The following NRG3 variants were observed in gnomAD, a reference collection of about 807,000 sequenced individuals.
NRG3 encodes pro-neuregulin-3, membrane-bound isoform.
Under a neutral mutation model 66.9 loss-of-function variants are expected in NRG3, and 31 were observed. That is an observed-to-expected ratio of 0.46 (90% CI 0.35 to 0.63). NRG3 has a LOEUF of 0.63. Among genes scored for constraint, NRG3 ranks in the 20% least tolerant of loss-of-function variants. NRG3 has a pLI of 0.00. For synonymous variants in NRG3, 393 were observed against 359.4 expected (o/e 1.09, Z -1.06); for missense variants, 910 against 878.9 (o/e 1.04, Z -0.45).
At position 82,119,633 on chromosome 10, in the gene NRG3, C is replaced by G. The variant is rs140917291; in HGVS notation, c.824-239106C>G. Reference sequence around the variant, plus strand: ...AACCCTAAATAAATTAAGTTCTAAACTTATGAGATTTTTGCCAAATGATAC... The same window carrying G: ...AACCCTAAATAAATTAAGTTCTAAAGTTATGAGATTTTTGCCAAATGATAC... On this transcript the variant is annotated intron_variant, in intron 1 of 8. Coordinates refer to ENST00000372141, the MANE Select transcript of NRG3 (RefSeq NM_001010848.4). 2.9e-3 allele frequency among the ~76,000 whole-genome samples: 448 copies of G among 152,168 alleles called. 2 individuals are homozygous for G. The highest frequency in any genetic ancestry group is 0.011 in the African/African-American group (437 of 41,530).
intron 1 of NRG3, among the ~76,000 whole-genome samples, chr10:82,210,145 A>C (rs2075326724): frequency 6.6e-6 from 1 of 152,142 alleles, no homozygotes; most frequent in African/African-American, 2.4e-5. Flanking sequence ...GCTCTGCATA[A>C]ATGAATTTAT....
At chr10:82,716,489 G>A (rs146816786) in intron 2 of NRG3, among the ~76,000 whole-genome samples, 3 of 152,268 alleles carry the variant, frequency 2.0e-5, no homozygotes, top group Admixed American at 6.5e-5. Context: ...GAGACTCAGC[G>A]TGCACACATT....
At chr10:82,436,382 G>A (rs754653864) in intron 2 of NRG3, among the ~76,000 whole-genome samples, 2 of 151,958 alleles carry the variant, frequency 1.3e-5, no homozygotes, top group Non-Finnish European at 2.9e-5. Flanking sequence ...CTTTCCATTT[G>A]CTTGGTAAAT....
intron 1 of NRG3, among the ~76,000 whole-genome samples, chr10:82,189,234 T>C (rs2073991784): frequency 6.6e-6 from 1 of 152,188 alleles, no homozygotes; most frequent in East Asian, 1.9e-4. Flanking sequence ...TGTGCCTGAA[T>C]AGTTTTGAAT....
chr10:82,103,948 TCTA>T (rs1443366554), intron 1 of NRG3, among the ~76,000 whole-genome samples: 1 of 150,066 alleles, frequency 6.7e-6, no homozygotes, highest in Non-Finnish European at 1.5e-5. Context: ...TTCCCAGCGA[TCTA>T]CTAGAAAGAT....
intron 1 of NRG3, among the ~76,000 whole-genome samples, chr10:81,943,865 A>G (rs1455796120): frequency 1.3e-5 from 2 of 152,134 alleles, no homozygotes; most frequent in Non-Finnish European, 2.9e-5. Context: ...TTCCACCTCC[A>G]AGAGGAAAGT....
chr10:82,694,552 T>C (rs1244078838), intron 2 of NRG3, among the ~76,000 whole-genome samples: 1 of 152,052 alleles, frequency 6.6e-6, no homozygotes, highest in Non-Finnish European at 1.5e-5. Flanking sequence ...GCTAGGAGTT[T>C]GAGAACAGAC....
Position 82,300,261 on chromosome 10 carries a change from A to C in NRG3, c.824-58478A>C, listed in dbSNP as rs954804988. 2.0e-5 allele frequency among the ~76,000 whole-genome samples: 3 copies of C among 152,202 alleles called. No individual in the cohort carries two copies. In the South Asian group the frequency reaches 6.2e-4, roughly 32 times the overall value. ...CTTATTATAGCAAATAAAATATAAAATATGTTTGAGGAGTATGGTGCAAAA... is the reference window on the plus strand; with the variant it reads ...CTTATTATAGCAAATAAAATATAAACTATGTTTGAGGAGTATGGTGCAAAA... On this transcript the variant is annotated intron_variant, in intron 1 of 8. Coordinates refer to ENST00000372141, the MANE Select transcript of NRG3 (RefSeq NM_001010848.4).
chr10:82,923,225 G>T (rs1236599861), intron 4 of NRG3, among the ~76,000 whole-genome samples: 2 of 152,108 alleles, frequency 1.3e-5, no homozygotes, highest in East Asian at 3.8e-4. Context: ...TCCCACTGTG[G>T]GTTCTACAGA....
intron 3 of NRG3, among the ~76,000 whole-genome samples, chr10:82,741,755 C>T (rs1340525819): frequency 2.6e-5 from 4 of 152,096 alleles, no homozygotes; most frequent in Non-Finnish European, 5.9e-5. Context: ...ACCTGAGCTC[C>T]CAACTGAAGG....
chr10:82,562,517 A>G (rs2045119045), intron 2 of NRG3, among the ~76,000 whole-genome samples: 2 of 152,214 alleles, frequency 1.3e-5, no homozygotes, highest in Non-Finnish European at 2.9e-5. Context: ...CAAAAAACTG[A>G]GAAAGTTTGG....
At chr10:82,367,642 A>G (rs2084628646) in intron 2 of NRG3, among the ~76,000 whole-genome samples, 1 of 152,050 alleles carries the variant, frequency 6.6e-6, no homozygotes, top group Non-Finnish European at 1.5e-5. Context: ...TTTTCCTAAT[A>G]ATTCTTATTT....
intron 1 of NRG3, among the ~76,000 whole-genome samples, chr10:81,932,827 G>T (rs1178496782): frequency 1.3e-5 from 2 of 152,054 alleles, no homozygotes; most frequent in Non-Finnish European, 2.9e-5. Context: ...TGTTCTTTCT[G>T]GTCAGGCACG....
intron 2 of NRG3, among the ~76,000 whole-genome samples, chr10:82,633,699 C>T (rs765827938): frequency 2.6e-5 from 4 of 152,120 alleles, no homozygotes; most frequent in African/African-American, 4.8e-5. Context: ...TCTGTTCCAG[C>T]GAGCTCTGTT....
chr10:82,325,715 C>T (rs1441347360), intron 1 of NRG3, among the ~76,000 whole-genome samples: 1 of 151,382 alleles, frequency 6.6e-6, no homozygotes, highest in South Asian at 2.1e-4. Context: ...TAGTATATAC[C>T]TCTAGCTTTC....
chr10:81,878,192 C>T (rs1344929777), intron 1 of NRG3: 1 of 1,117,882 alleles, frequency 8.9e-7, no homozygotes, highest in Non-Finnish European at 1.2e-6. Context: ...GGCCCTCAGC[C>T]CCAAGGAAAA....
chr10:82,515,181 T>C (rs1296659837), intron 2 of NRG3, among the ~76,000 whole-genome samples: 1 of 152,158 alleles, frequency 6.6e-6, no homozygotes, highest in African/African-American at 2.4e-5. Flanking sequence ...AGTTTCCAGT[T>C]GTGTCTAATT....
At chr10:82,555,075 A>G (rs1007834053) in intron 2 of NRG3, among the ~76,000 whole-genome samples, 1 of 152,208 alleles carries the variant, frequency 6.6e-6, no homozygotes, top group African/African-American at 2.4e-5. Context: ...TGACAAACCA[A>G]TTGCCATATG....
At chr10:82,952,425 C>CA (rs35502999) in intron 5 of NRG3, among the ~76,000 whole-genome samples, 52,555 of 104,384 alleles carry the variant, frequency 0.5, 15,170 homozygotes, top group Non-Finnish European at 0.61. Flanking sequence ...AGAGTTGTCT[C>CA]AAAAAAAAAA....
Sources: gnomAD v4.1 joint callset for allele counts (sites outside exome capture counted in the v4.1 genomes callset) on GRCh38, gnomAD v4.1.1 for gene constraint, MANE v1.5 for transcripts, NCBI Gene and HGNC (gene_info 2026-07-23, HGNC 2026-07-21) for gene names.